SPAG9: variants seen among roughly 807,000 people sequenced by gnomAD.
SPAG9 encodes the protein sperm associated antigen 9.
In SPAG9, 35 loss-of-function variants were observed where a neutral mutation model predicts 166.5. The ratio of observed to expected loss-of-function variants is 0.21; its 90% confidence interval spans 0.16 to 0.28. The LOEUF (loss-of-function observed/expected upper bound fraction) is 0.28, where lower values mean the gene tolerates loss of function less well. Ranked by LOEUF, SPAG9 falls within the 10% of genes least tolerant of loss-of-function variation. The probability of loss-of-function intolerance (pLI) is 1.00; values close to 1 mark genes in which losing one functional copy is unlikely to be tolerated. For synonymous variants in SPAG9, 534 were observed against 565.5 expected (o/e 0.94, Z 0.79); for missense variants, 1,235 against 1,603.3 (o/e 0.77, Z 3.92).
At chr17:51,017,731 C>T (rs1461026122) in intron 8 of SPAG9, among the ~76,000 whole-genome samples, 1 of 152,128 alleles carries the variant, frequency 6.6e-6, no homozygotes, top group Non-Finnish European at 1.5e-5. Flanking sequence ...TATTACTTAA[C>T]ATTTATTGAA....
At chr17:51,023,440 G>T in intron 6 of SPAG9, 1 of 199,216 alleles carries the variant, frequency 5.0e-6, no homozygotes, top group South Asian at 9.7e-5. Context: ...GCTAACATCA[G>T]AAAGTTCAAC....
intron 13 of SPAG9, 113 bp downstream of exon 13, chr17:51,001,602 T>G (rs768399060): frequency 4.5e-5 from 46 of 1,019,632 alleles, no homozygotes; most frequent in Non-Finnish European, 6.3e-5. Context: ...TCTCTCCTAG[T>G]AAACAGAGAA....
intron 2 of SPAG9, among the ~76,000 whole-genome samples, chr17:51,064,186 G>C (rs2047598422): frequency 6.6e-6 from 1 of 152,106 alleles, no homozygotes; most frequent in Admixed American, 6.6e-5. Context: ...GTTATATTCA[G>C]ATGTGTCACT....
chr17:51,110,709 T>A (rs1296729634), intron 1 of SPAG9, among the ~76,000 whole-genome samples: 1 of 151,976 alleles, frequency 6.6e-6, no homozygotes, highest in African/African-American at 2.4e-5. Context: ...TAAAATTCTA[T>A]ACCCTCAACT....
At chr17:51,060,584 C>T (rs2047483055) in intron 2 of SPAG9, among the ~76,000 whole-genome samples, 1 of 150,456 alleles carries the variant, frequency 6.6e-6, no homozygotes, top group African/African-American at 2.4e-5. Context: ...GGGCCCTGAT[C>T]CAACAGGGCT....
At chr17:51,089,434 A>G (rs2048388433) in intron 1 of SPAG9, among the ~76,000 whole-genome samples, 2 of 151,484 alleles carry the variant, frequency 1.3e-5, no homozygotes, top group African/African-American at 4.8e-5. Context: ...CAAAAAAACA[A>G]AAAAACAAAC....
chr17:51,025,577 T>G lies in SPAG9; in HGVS notation c.784-4212A>C, dbSNP rs567127445. ...ACCATTTGCATTGTCTTTGCTTTGA[T>G]GTATACTCGATTAAAAAATAAGTGG... is the stretch of plus-strand genomic sequence containing the variant. On this transcript the variant is annotated intron_variant, in intron 6 of 29. Coordinates refer to ENST00000262013, the MANE Select transcript of SPAG9 (RefSeq NM_001130528.3). Among the ~76,000 whole-genome samples the G allele has an allele frequency of 2.8e-3, 427 of 152,130 alleles. 23 individuals are homozygous for G. In the South Asian group the frequency reaches 0.084, roughly 30 times the overall value.
intron 2 of SPAG9, among the ~76,000 whole-genome samples, chr17:51,065,465 C>T (rs978656181): frequency 6.6e-6 from 1 of 152,116 alleles, no homozygotes; most frequent in African/African-American, 2.4e-5. Context: ...AAAATCTCAA[C>T]ATTTATGTTA....
At chr17:51,008,643 C>A (rs763473677) in intron 9 of SPAG9, among the ~76,000 whole-genome samples, 1 of 152,078 alleles carries the variant, frequency 6.6e-6, no homozygotes, top group Non-Finnish European at 1.5e-5. Context: ...TACCTGGACT[C>A]ATATTTTGTC....
chr17:51,059,129 A>C (rs2047436114), intron 2 of SPAG9, among the ~76,000 whole-genome samples: 1 of 152,206 alleles, frequency 6.6e-6, no homozygotes, highest in Admixed American at 6.5e-5. Flanking sequence ...GAAGGAAAGA[A>C]GCAGAAACAA....
intron 1 of SPAG9, among the ~76,000 whole-genome samples, chr17:51,096,005 TG>T (rs2048628831): frequency 1.9e-5 from 2 of 104,994 alleles, no homozygotes; most frequent in African/African-American, 3.3e-5. Flanking sequence ...ATATATATAG[TG>T]ATATATATAT....
rs570694352 is a variant in SPAG9 at position 51,080,754 on chromosome 17, T to C, written c.304-1050A>G. On this transcript the variant is annotated intron_variant, in intron 1 of 29. Coordinates refer to ENST00000262013, the MANE Select transcript of SPAG9 (RefSeq NM_001130528.3). Reference sequence around the variant, plus strand: ...AAATTAGCTGGGCATGGTGGCACGTTCCTGTAATCCCAGCCACTTGGGAGG... The same window carrying C: ...AAATTAGCTGGGCATGGTGGCACGTCCCTGTAATCCCAGCCACTTGGGAGG... 9.9e-5 allele frequency among the ~76,000 whole-genome samples: 15 copies of C among 151,832 alleles called. No individual in the cohort carries two copies. The South Asian group carries it at 3.1e-3, about 32-fold the overall frequency.
intron 1 of SPAG9, among the ~76,000 whole-genome samples, chr17:51,114,196 C>T (rs1048718972): frequency 1.3e-5 from 2 of 151,914 alleles, no homozygotes; most frequent in African/African-American, 2.4e-5. Context: ...CGTGCTGGCG[C>T]GTGCCTGTAA....
At chr17:51,103,259 T>C (rs950491321) in intron 1 of SPAG9, among the ~76,000 whole-genome samples, 2 of 152,172 alleles carry the variant, frequency 1.3e-5, no homozygotes, top group Non-Finnish European at 2.9e-5. Flanking sequence ...CTGTTAATTA[T>C]CTACTGCATC....
chr17:51,093,631 C>T (rs997084121), intron 1 of SPAG9, among the ~76,000 whole-genome samples: 22 of 146,028 alleles, frequency 1.5e-4, no homozygotes, highest in East Asian at 2.0e-4. Flanking sequence ...GGAGATGGAG[C>T]TCACAGTGAG....
intron 2 of SPAG9, among the ~76,000 whole-genome samples, chr17:51,079,136 G>C (rs937767555): frequency 1.7e-4 from 26 of 152,060 alleles, no homozygotes; most frequent in African/African-American, 6.3e-4. Context: ...CTAGGTCCTA[G>C]GTCTCACTCT....
At chr17:50,971,875 C>T (rs1050801441) in intron 28 of SPAG9, among the ~76,000 whole-genome samples, 8 of 152,064 alleles carry the variant, frequency 5.3e-5, no homozygotes, top group Admixed American at 2.6e-4. Flanking sequence ...TCAAACAATT[C>T]TCTTGCCTCA....
At chr17:51,077,519 A>G (rs1197404793) in intron 2 of SPAG9, among the ~76,000 whole-genome samples, 1 of 152,206 alleles carries the variant, frequency 6.6e-6, no homozygotes, top group Non-Finnish European at 1.5e-5. Flanking sequence ...TCAACTCTTG[A>G]AATGTACCAA....
intron 13 of SPAG9, among the ~76,000 whole-genome samples, chr17:51,000,495 A>G (rs1007003155): frequency 2.0e-5 from 3 of 152,168 alleles, no homozygotes; most frequent in Non-Finnish European, 4.4e-5. Flanking sequence ...GCACTTTGGG[A>G]GGCCGAGGCG....
Sources: gnomAD v4.1 joint callset for allele counts (sites outside exome capture counted in the v4.1 genomes callset) on GRCh38, gnomAD v4.1.1 for gene constraint, MANE v1.5 for transcripts, NCBI Gene and HGNC (gene_info 2026-07-23, HGNC 2026-07-21) for gene names.